Variants in PIERCE2 observed in about 807,000 individuals in gnomAD.
PIERCE2 encodes piercer of microtubule wall 2 protein.
the PIERCE2 span, among the ~76,000 whole-genome samples, chr15:55,412,922 G>C: frequency 2.6e-5 from 4 of 151,934 alleles, no homozygotes; most frequent in Non-Finnish European, 5.9e-5. Flanking sequence ...TTGAGACCAG[G>C]AGTTCAAGAC....
chr15:55,414,145 C>T, the PIERCE2 span, among the ~76,000 whole-genome samples: 65 of 151,760 alleles, frequency 4.3e-4, no homozygotes, highest in African/African-American at 1.5e-3. Flanking sequence ...GATCTGCCCG[C>T]CTCAGCTTCC....
At chr15:55,418,672 C>T in the PIERCE2 span, 1 of 824,378 alleles carries the variant, frequency 1.2e-6, no homozygotes, top group Non-Finnish European at 1.8e-6. Flanking sequence ...AGTTTTGAAT[C>T]AATTTTTAAA....
the PIERCE2 span, among the ~76,000 whole-genome samples, chr15:55,415,168 T>A: frequency 1.3e-5 from 2 of 151,550 alleles, no homozygotes; most frequent in Admixed American, 1.3e-4. Flanking sequence ...AGACACCGAG[T>A]TAAAGAAGGA....
At chr15:55,412,714 C>A in the PIERCE2 span, among the ~76,000 whole-genome samples, 1 of 152,070 alleles carries the variant, frequency 6.6e-6, no homozygotes, top group Non-Finnish European at 1.5e-5. Context: ...TTGCAGTGCA[C>A]TATTATCCCA....
the PIERCE2 span, among the ~76,000 whole-genome samples, chr15:55,416,951 A>T: frequency 6.6e-6 from 1 of 152,038 alleles, no homozygotes; most frequent in Non-Finnish European, 1.5e-5. Context: ...ACAGAGCGAG[A>T]CTCTGTCTCA....
At chr15:55,413,747 C>G in the PIERCE2 span, among the ~76,000 whole-genome samples, 1 of 41,870 alleles carries the variant, frequency 2.4e-5, no homozygotes, top group Admixed American at 4.3e-4. Flanking sequence ...GCAACAAGAG[C>G]AAAACTCCGT....
chr15:55,409,211 G>T, the PIERCE2 span, among the ~76,000 whole-genome samples: 5 of 152,258 alleles, frequency 3.3e-5, no homozygotes, highest in East Asian at 9.7e-4. Flanking sequence ...TTCGAGACCA[G>T]CCTGACCTAC....
At chr15:55,413,239 G>A in the PIERCE2 span, among the ~76,000 whole-genome samples, 2 of 150,968 alleles carry the variant, frequency 1.3e-5, no homozygotes, top group Admixed American at 6.6e-5. Flanking sequence ...CTGCACTCCG[G>A]CCTGGGCAAA....
At chr15:55,415,633 C>G in the PIERCE2 span, among the ~76,000 whole-genome samples, 1 of 151,970 alleles carries the variant, frequency 6.6e-6, no homozygotes, top group African/African-American at 2.4e-5. Context: ...GCAGCGGGTA[C>G]GTGACTGGGG....
At chr15:55,417,431 T>C in the PIERCE2 span, among the ~76,000 whole-genome samples, 1 of 152,162 alleles carries the variant, frequency 6.6e-6, no homozygotes, top group Non-Finnish European at 1.5e-5. Flanking sequence ...TGTATTTTTT[T>C]TTCTTCATAG....
the PIERCE2 span, among the ~76,000 whole-genome samples, chr15:55,412,259 G>C: frequency 5.3e-5 from 8 of 152,056 alleles, no homozygotes; most frequent in Non-Finnish European, 1.0e-4. Flanking sequence ...TAAAGTATGA[G>C]AACCTAGGTC....
At chr15:55,408,806 T>C in the PIERCE2 span, 1 of 1,511,334 alleles carries the variant, frequency 6.6e-7, no homozygotes, top group Non-Finnish European at 8.8e-7. Context: ...GGCAGAGGGC[T>C]AGATGTTTGG....
At chr15:55,416,691 G>A in the PIERCE2 span, among the ~76,000 whole-genome samples, 1 of 151,870 alleles carries the variant, frequency 6.6e-6, no homozygotes, top group African/African-American at 2.4e-5. Flanking sequence ...GGGCGCGGTG[G>A]CTCACACCTG....
At chr15:55,417,942 G>T in the PIERCE2 span, 2 of 568,692 alleles carry the variant, frequency 3.5e-6, no homozygotes, top group Non-Finnish European at 6.1e-6. Context: ...AGTGGGGGAG[G>T]TTCTGAGCCA....
chr15:55,413,641 TCCCAGCTACTCGGGAGGCTGAGG>T, the PIERCE2 span, among the ~76,000 whole-genome samples: 5 of 149,010 alleles, frequency 3.4e-5, no homozygotes, highest in African/African-American at 4.9e-5. Context: ...ATGCCTGTAA[TCCCAGCTACTCGGGAGGCTGAGG>T]CAGGAGAATC....
the PIERCE2 span, chr15:55,418,554 T>G: frequency 6.8e-7 from 1 of 1,466,368 alleles, no homozygotes; most frequent in Admixed American, 2.1e-5. Context: ...TTTCCTAATA[T>G]TCAACACACT....
chr15:55,408,775 G>C, the PIERCE2 span: 1 of 1,525,050 alleles, frequency 6.6e-7, no homozygotes, highest in South Asian at 1.2e-5. Context: ...GAAAATGACA[G>C]ACCGCAACCG....
the PIERCE2 span, chr15:55,408,831 G>A: frequency 9.6e-6 from 14 of 1,456,450 alleles, no homozygotes; most frequent in Middle Eastern, 5.2e-4. Context: ...GTTGGTATTC[G>A]CTAGTATAAT....
At chr15:55,418,056 G>T in the PIERCE2 span, 3 of 1,410,198 alleles carry the variant, frequency 2.1e-6, no homozygotes, top group Non-Finnish European at 2.9e-6. Flanking sequence ...GGATGTATAC[G>T]TGCAGGTCAC....
Sources: allele counts gnomAD v4.1 joint callset (sites outside exome capture counted in the v4.1 genomes callset), GRCh38; gene constraint gnomAD v4.1.1; transcripts MANE v1.5; gene names NCBI Gene and HGNC (gene_info 2026-07-23, HGNC 2026-07-21).